The following CNN2 variants were observed in gnomAD, a reference collection of about 807,000 sequenced individuals.
The protein encoded by CNN2 is calponin 2.
Under a neutral mutation model 31.0 loss-of-function variants are expected in CNN2, and 21 were observed. The ratio of observed to expected loss-of-function variants is 0.68; its 90% CI spans 0.48 to 0.98. The LOEUF (loss-of-function observed/expected upper bound fraction) is 0.98. CNN2 is among the 50% of genes least tolerant of loss of function. The pLI is 0.00. For missense variants in CNN2, 399 were observed against 427.3 expected (o/e 0.93, Z 0.58); for synonymous variants, 165 against 179.6 (o/e 0.92, Z 0.65).
intron 1 of CNN2, among the ~76,000 whole-genome samples, chr19:1,028,606 G>C (rs1404020964): frequency 6.6e-6 from 1 of 152,162 alleles, no homozygotes; most frequent in East Asian, 1.9e-4. Flanking sequence ...GACCCGCTGG[G>C]AACAGCTGGT....
intron 1 of CNN2, among the ~76,000 whole-genome samples, chr19:1,028,571 C>G (rs1365068003): frequency 6.6e-6 from 1 of 152,222 alleles, no homozygotes; most frequent in Non-Finnish European, 1.5e-5. Context: ...GTGTCTGCGG[C>G]CTTGCATCCC....
At chr19:1,030,540 G>T (rs529019605) in intron 1 of CNN2, among the ~76,000 whole-genome samples, 68 of 152,214 alleles carry the variant, frequency 4.5e-4, no homozygotes, top group Non-Finnish European at 8.1e-4. Flanking sequence ...GCAGGAGAAT[G>T]GCCTGAACCG....
At chr19:1,032,314 A>ATCAG in intron 2 of CNN2, 78 bp from the exon 3 acceptor site, 1 of 1,559,798 alleles carries the variant, frequency 6.4e-7, no homozygotes, top group South Asian at 1.1e-5. Context: ...AGCTTGGCTG[A>ATCAG]GATCAGCATC....
rs1282379807 is a variant in CNN2 at position 1,026,968 on chromosome 19, AACATCTAGG to A, written c.63+245_63+253del. On this transcript the variant is annotated intron_variant, in intron 1 of 6. Coordinates refer to ENST00000263097, the MANE Select transcript of CNN2 (RefSeq NM_004368.4). ...GGACGAGTGACCCATTCCCCCCCCC[AACATCTAGG>A]GGTAGTTGGGTCTGACTTCGTCCCC... is the stretch of plus-strand genomic sequence containing the variant. 3.3e-4 allele frequency: 151 copies of A among 461,718 alleles called. No individual in the cohort carries two copies. The East Asian group carries it at 6.2e-3, about 19-fold the overall frequency. 28.6% of individuals were successfully genotyped at this position (461,718 alleles called of 1,614,324 possible). A position where few individuals can be genotyped will look rare whatever the true frequency, so the allele number is the denominator to read the frequency against.
rs1021962200 is a variant in CNN2, at chr19:1,038,059, C to G, written c.*159C>G. 7.8e-6 allele frequency: 6 copies of G among 766,958 alleles called. No homozygotes were observed. In the African/African-American group the frequency reaches 1.1e-4, roughly 14 times the overall value. The allele number at this position is 766,958 out of a possible 1,614,324, so 47.5% of individuals were successfully genotyped here. On this transcript the variant is annotated 3_prime_UTR_variant, in exon 7 of 7. Coordinates refer to ENST00000263097, the MANE Select transcript of CNN2 (RefSeq NM_004368.4). ...TGGGATCAGGCAGCAGAGCTTTTTT[C>G]CCCTTTGCCTTGATCCTTCGCAAGG...
At chr19:1,031,564 CAAAAAAA>C (rs536524090) in intron 2 of CNN2, among the ~76,000 whole-genome samples, 12,638 of 66,128 alleles carry the variant, frequency 0.19, 1,010 homozygotes, top group Middle Eastern at 0.23. Flanking sequence ...GACTCCATCT[CAAAAAAA>C]AAAAAAAAAA....
chr19:1,033,631 G>A (rs1426185776), intron 4 of CNN2, among the ~76,000 whole-genome samples: 3 of 145,356 alleles, frequency 2.1e-5, no homozygotes, highest in African/African-American at 5.1e-5. Context: ...GGACAGTGGT[G>A]TAGACCGGGA....
At chr19:1,036,683 G>T in intron 6 of CNN2, 121 bp downstream of exon 6, 1 of 1,240,218 alleles carries the variant, frequency 8.1e-7, no homozygotes, top group South Asian at 1.2e-5. Context: ...CCCTTCCCTA[G>T]ACCACCTCCG....
chr19:1,026,801 C>T, intron 1 of CNN2, 77 bp downstream of exon 1: 4 of 1,380,500 alleles, frequency 2.9e-6, no homozygotes, highest in Admixed American at 2.5e-5. Flanking sequence ...CCCCCAGGCG[C>T]CCCCGGCACC....
Position 1,036,524 on chromosome 19 carries a change from A to G in CNN2, c.616A>G (p.Ile206Val). 6.2e-7 allele frequency: 1 copy of G among 1,613,608 alleles called. No individual in the cohort carries two copies. Among genetic ancestry groups the G allele is most frequent in the Non-Finnish European group, 8.5e-7 (1 of 1,179,714 alleles). The part of the protein sequence containing the change: ...HILPPMDHST[I>V]SLQMGTNKCA... ...CCTGCCCCCCATGGACCACTCGACC[A>G]TCAGCCTCCAGATGGGCACGAACAA... The change falls in exon 6 of 7, where the codon ATC becomes GTC. Residue 206 changes from isoleucine to valine, a missense_variant. Coordinates refer to ENST00000263097, the MANE Select transcript of CNN2 (RefSeq NM_004368.4).
chr19:1,031,338 T>TGGGGGGGGGGGGGGGGGGGGG lies in CNN2; in HGVS notation c.185+148_185+149insGGGGGGGGGGGGGGGGGGGGG. ...CAGCACTTTTGGAGGCCGAGGGTGG[T>TGGGGGGGGGGGGGGGGGGGGG]GGCGGGGGGCGGTGGATCTCGAGGT... is the stretch of plus-strand genomic sequence containing the variant. On this transcript the variant is annotated intron_variant, in intron 2 of 6. Coordinates refer to ENST00000263097, the MANE Select transcript of CNN2 (RefSeq NM_004368.4). 2 of 33,998 alleles carry TGGGGGGGGGGGGGGGGGGGGG rather than the reference T, an allele frequency of 5.9e-5. 1 individual carries two copies. The allele number at this position is 33,998 out of a possible 1,614,324, so 2.1% of individuals were successfully genotyped here. A position where few individuals can be genotyped will look rare whatever the true frequency, so the allele number is the denominator to read the frequency against.
chr19:1,037,595 T>C, intron 6 of CNN2, 30 bp from the exon 7 acceptor site: 1 of 1,594,874 alleles, frequency 6.3e-7, no homozygotes, highest in Non-Finnish European at 8.5e-7. Context: ...CTCTCCACCA[T>C]GACCTGCTCC....
At position 1,038,753 on chromosome 19, in the gene CNN2, G is replaced by A. The variant is rs934521190; in HGVS notation, c.*853G>A. ...CGCCCGGCTAATTTTTGTATTTTTA[G>A]TAGAGATGGGGTTTCCCCATGTTGG... On this transcript the variant is annotated 3_prime_UTR_variant, in exon 7 of 7. Transcript: ENST00000263097. The A allele has an allele frequency of 6.6e-6, 1 of 152,286 alleles. No individual in the cohort carries two copies. The highest frequency in any genetic ancestry group is 6.5e-5 in the Admixed American group (1 of 15,272). 9.4% of individuals were successfully genotyped at this position (152,286 alleles called of 1,614,324 possible).
At chr19:1,032,530 C>T (rs371550217) in intron 3 of CNN2, 29 bp from the exon 4 acceptor site, 22 of 1,613,328 alleles carry the variant, frequency 1.4e-5, no homozygotes, top group Non-Finnish European at 1.7e-5. Flanking sequence ...CTGAGGCCCA[C>T]TCACTGTCCC....
At chr19:1,035,443 G>T (rs942654785) in intron 4 of CNN2, among the ~76,000 whole-genome samples, 8 of 152,122 alleles carry the variant, frequency 5.3e-5, no homozygotes, top group Non-Finnish European at 8.8e-5. Context: ...GGTCAGGGAG[G>T]AGCCGGGCGC....
At position 1,031,622 on chromosome 19, in the gene CNN2, T is replaced by C. The variant is rs191188708; in HGVS notation, c.185+430T>C. Among the ~76,000 whole-genome samples, 56 of 147,070 alleles carry C rather than the reference T, an allele frequency of 3.8e-4. No individual in the cohort carries two copies. The East Asian group carries it at 0.011, about 28-fold the overall frequency. ...TGGGCGTGGTGGCTAAATAAATAAT[T>C]TTTTTTTTTTGAGGTGGAGTCTCAC... On this transcript the variant is annotated intron_variant, in intron 2 of 6. Coordinates refer to ENST00000263097, the MANE Select transcript of CNN2 (RefSeq NM_004368.4).
chr19:1,028,554 A>G (rs2039436196), intron 1 of CNN2, among the ~76,000 whole-genome samples: 1 of 152,150 alleles, frequency 6.6e-6, no homozygotes, highest in Non-Finnish European at 1.5e-5. Context: ...GGCAGCTCGG[A>G]TCCACAGTGT....
Position 1,032,595 on chromosome 19 carries a change from A to C in CNN2, c.289A>C (p.Ser97Arg). ...NLSNFIKAMV[S>R]YGMNPVDLFE... ...GTCCAACTTCATCAAGGCCATGGTC[A>C]GCTACGGCATGAACCCTGTGGACCT... Residue 97 changes from serine (S) to arginine (R), a missense_variant, in exon 4 of 7, where the codon AGC becomes CGC. By Grantham distance (110) the Ser-to-Arg change is moderately radical. Coordinates refer to ENST00000263097, the MANE Select transcript of CNN2 (RefSeq NM_004368.4). The C allele has an allele frequency of 6.2e-7, 1 of 1,613,206 alleles. No individual in the cohort carries two copies. The highest frequency in any genetic ancestry group is 2.2e-5 in the East Asian group (1 of 44,888).
Position 1,032,600 on chromosome 19 carries a change from C to T in CNN2, c.294C>T (p.Tyr98=), listed in dbSNP as rs752863990. Residue 98 remains tyrosine (Y), a synonymous_variant, in exon 4 of 7, where the codon TAC becomes TAT. Coordinates refer to ENST00000263097, the MANE Select transcript of CNN2 (RefSeq NM_004368.4). ...ACTTCATCAAGGCCATGGTCAGCTA[C>T]GGCATGAACCCTGTGGACCTGTTCG... ...LSNFIKAMVS[Y]GMNPVDLFEA... is the part of the protein sequence containing the mutation. 1.7e-5 allele frequency: 27 copies of T among 1,613,012 alleles called. No homozygotes were observed. The highest frequency in any genetic ancestry group is 8.9e-5 in the East Asian group (4 of 44,898).
Sources: gnomAD v4.1 joint callset for allele counts (sites outside exome capture counted in the v4.1 genomes callset) on GRCh38, gnomAD v4.1.1 for gene constraint, MANE v1.5 for transcripts, NCBI Gene and HGNC (gene_info 2026-07-23, HGNC 2026-07-21) for gene names.